Variants in LRP1B observed in about 807,000 individuals in gnomAD.
LRP1B encodes the protein low-density lipoprotein receptor-related protein 1B.
A neutral mutation model predicts 556.6 loss-of-function variants in LRP1B; 217 were observed. That is an observed-to-expected ratio of 0.39 (90% CI 0.35 to 0.44). LRP1B has a LOEUF of 0.44. Among genes scored for constraint, LRP1B ranks in the 20% least tolerant of loss-of-function variants. LRP1B has a pLI of 1.00. For synonymous variants in LRP1B, 2,047 were observed against 1,865.8 expected, an observed-to-expected ratio of 1.10 and a Z score of -2.50; for missense variants, 5,053 against 5,620.8, an observed-to-expected ratio of 0.90 and a Z score of 3.23.
At chr2:140,740,755 G>A (rs922822676) in intron 35 of LRP1B, among the ~76,000 whole-genome samples, 2 of 152,102 alleles carry the variant, frequency 1.3e-5, no homozygotes, top group African/African-American at 4.8e-5. Context: ...CCTCGATCTT[G>A]GCCTGTAGAT....
intron 80 of LRP1B, 25 bp from the exon 81 acceptor site, chr2:140,324,091 G>A (rs1382143561): frequency 6.6e-7 from 1 of 1,525,874 alleles, no homozygotes; most frequent in African/African-American, 1.4e-5. Flanking sequence ...AGGCAGTTAT[G>A]AAAGTTTTAA....
At chr2:141,964,976 C>A (rs1439538266) in intron 1 of LRP1B, among the ~76,000 whole-genome samples, 1 of 148,028 alleles carries the variant, frequency 6.8e-6, no homozygotes, top group Non-Finnish European at 1.5e-5. Context: ...ATTTATGCAG[C>A]CAAAAAACAC....
At chr2:140,970,331 T>C (rs1398694859) in intron 18 of LRP1B, among the ~76,000 whole-genome samples, 2 of 152,218 alleles carry the variant, frequency 1.3e-5, no homozygotes, top group Non-Finnish European at 2.9e-5. Flanking sequence ...CTGACACTTG[T>C]GCATTTGTCA....
chr2:141,275,909 CAT>C (rs35525716), intron 3 of LRP1B, among the ~76,000 whole-genome samples: 22 of 149,964 alleles, frequency 1.5e-4, no homozygotes, highest in Admixed American at 2.7e-4. Flanking sequence ...ATGTAATGTA[CAT>C]ATATATATAT....
chr2:141,423,798 T>C (rs1162638200), intron 3 of LRP1B, among the ~76,000 whole-genome samples: 1 of 146,446 alleles, frequency 6.8e-6, no homozygotes, highest in African/African-American at 2.5e-5. Flanking sequence ...TACTACTGTT[T>C]TCATTATTAT....
At chr2:140,867,878 A>C in intron 26 of LRP1B, 44 bp from the exon 27 acceptor site, 1 of 1,489,660 alleles carries the variant, frequency 6.7e-7, no homozygotes, top group Non-Finnish European at 8.9e-7. Flanking sequence ...AAACTCATTC[A>C]ACTAGTCCAG....
chr2:141,415,742 T>A (rs1691076730), intron 3 of LRP1B, among the ~76,000 whole-genome samples: 2 of 152,162 alleles, frequency 1.3e-5, no homozygotes, highest in South Asian at 4.1e-4. Context: ...TTCTTTTTTT[T>A]TAAATATTAC....
rs1574121968 is a variant in LRP1B at position 140,595,675 on chromosome 2, A to C, written c.7194+2956T>G. 3.3e-5 allele frequency among the ~76,000 whole-genome samples: 5 copies of C among 152,250 alleles called. No individual in the cohort carries two copies. The South Asian group carries it at 1.0e-3, about 32-fold the overall frequency. On this transcript the variant is annotated intron_variant, in intron 43 of 90. Transcript: ENST00000389484. ...ATTTGTTTTTACAACTAAATTAATT[A>C]TAAAGTATAAGAGCTTTGATTCCCA...
chr2:140,582,462 A>C (rs535609184), intron 43 of LRP1B, among the ~76,000 whole-genome samples: 1 of 152,282 alleles, frequency 6.6e-6, no homozygotes, highest in Non-Finnish European at 1.5e-5. Flanking sequence ...TCCAAAATTT[A>C]TGTGTTGAAA....
At chr2:140,341,337 C>T (rs1681380016) in intron 77 of LRP1B, among the ~76,000 whole-genome samples, 1 of 151,422 alleles carries the variant, frequency 6.6e-6, no homozygotes, top group South Asian at 2.1e-4. Flanking sequence ...CTAAACAGAA[C>T]CTAGAAAAAT....
At position 140,679,060 on chromosome 2, in the gene LRP1B, A is replaced by T. The variant is rs1685772385; in HGVS notation, c.6799+21190T>A. 2.6e-5 allele frequency among the ~76,000 whole-genome samples: 4 copies of T among 152,200 alleles called. 1 individual carries two copies. The highest frequency in any genetic ancestry group is 6.8e-3 in the Middle Eastern group (2 of 292). ...CCAAAGTGCTGGGACTACAGGCATGAGCCACCACGCCCGGCCAGGCCTCTC... is the reference window on the plus strand; with the variant it reads ...CCAAAGTGCTGGGACTACAGGCATGTGCCACCACGCCCGGCCAGGCCTCTC... On this transcript the variant is annotated intron_variant, in intron 41 of 90. Transcript: ENST00000389484.
At chr2:140,475,004 T>C (rs1441735012) in intron 60 of LRP1B, 134 bp downstream of exon 60, 4 of 336,564 alleles carry the variant, frequency 1.2e-5, no homozygotes, top group Non-Finnish European at 2.0e-5. Flanking sequence ...CCAATATTTT[T>C]ATAAAGAAGT....
intron 41 of LRP1B, among the ~76,000 whole-genome samples, chr2:140,635,560 A>T (rs557827369): frequency 6.6e-6 from 1 of 152,134 alleles, no homozygotes; most frequent in East Asian, 1.9e-4. Context: ...GAGCTGAGGT[A>T]CTTGAACTTC....
chr2:141,335,003 A>AT (rs1164466652), intron 3 of LRP1B, among the ~76,000 whole-genome samples: 2 of 152,218 alleles, frequency 1.3e-5, no homozygotes, highest in African/African-American at 4.8e-5. Flanking sequence ...CAGTTAACTC[A>AT]TTGTTGATTA....
chr2:141,123,361 G>A (rs1369570750), intron 7 of LRP1B, among the ~76,000 whole-genome samples: 1 of 151,556 alleles, frequency 6.6e-6, no homozygotes, highest in Admixed American at 6.6e-5. Context: ...ACTAGATTTG[G>A]CCTCTTTTAA....
rs1390471936 is a variant in LRP1B, at chr2:141,822,124, C to CAGAGAGAG, written c.83-11724_83-11723insCTCTCTCT. On this transcript the variant is annotated intron_variant, in intron 1 of 90. Transcript: ENST00000389484. The stretch of plus-strand genomic sequence containing the variant: ...ACACACACACACACACACACACACA[C>CAGAGAGAG]ACACACAGAGAGAGAGAGAGAGAGA... Among the ~76,000 whole-genome samples the CAGAGAGAG allele has an allele frequency of 4.3e-3, 481 of 111,702 alleles. 4 individuals carry two copies. Among genetic ancestry groups the CAGAGAGAG allele is most frequent in the African/African-American group, 0.012 (310 of 25,184 alleles). 73.3% of individuals were successfully genotyped at this position (111,702 alleles called of 152,430 possible). A position where few individuals can be genotyped will look rare whatever the true frequency, so the allele number is the denominator to read the frequency against.
At chr2:140,341,783 A>C (rs1681404295) in intron 77 of LRP1B, among the ~76,000 whole-genome samples, 1 of 151,298 alleles carries the variant, frequency 6.6e-6, no homozygotes. Flanking sequence ...AGGCTTGTAA[A>C]CCAATGGTTT....
intron 10 of LRP1B, among the ~76,000 whole-genome samples, chr2:141,053,763 A>C (rs953274854): frequency 4.6e-5 from 7 of 151,938 alleles, no homozygotes; most frequent in African/African-American, 1.7e-4. Context: ...ATAATAGGCA[A>C]TTCTGATCTT....
intron 6 of LRP1B, among the ~76,000 whole-genome samples, chr2:141,206,132 C>G (rs1168926114): frequency 7.2e-5 from 2 of 27,960 alleles, no homozygotes; most frequent in African/African-American, 3.3e-4. Flanking sequence ...GTGTACTATT[C>G]ACACACACAC....
Sources: allele counts gnomAD v4.1 joint callset (sites outside exome capture counted in the v4.1 genomes callset), GRCh38; gene constraint gnomAD v4.1.1; transcripts MANE v1.5; gene names NCBI Gene and HGNC (gene_info 2026-07-23, HGNC 2026-07-21).